Variants in OSBP2 observed in about 807,000 individuals in gnomAD.
OSBP2 encodes the protein oxysterol-binding protein 2.
In OSBP2, 66 loss-of-function variants were observed where a neutral mutation model predicts 96.0. That is an observed-to-expected ratio of 0.69 (90% CI 0.56 to 0.84). The LOEUF is 0.84. OSBP2 is among the 40% of genes least tolerant of loss of function. The pLI is 0.00. For missense variants in OSBP2, 1,038 were observed against 1,222.7 expected, an observed-to-expected ratio of 0.85 and a Z score of 2.25; for synonymous variants, 525 against 520.9, an observed-to-expected ratio of 1.01 and a Z score of -0.11.
chr22:30,863,326 C>T (rs554265649), intron 2 of OSBP2, among the ~76,000 whole-genome samples: 3 of 152,268 alleles, frequency 2.0e-5, no homozygotes, highest in East Asian at 3.9e-4. Flanking sequence ...AGGCGCCAAC[C>T]ACACGGGCTG....
rs183696011 is a variant in OSBP2 at position 30,851,256 on chromosome 22, G to A, written c.854-19173G>A. Among the ~76,000 whole-genome samples the A allele has an allele frequency of 2.0e-5, 3 of 151,694 alleles. No individual in the cohort carries two copies. In the East Asian group the frequency reaches 5.8e-4, roughly 29 times the overall value. On this transcript the variant is annotated intron_variant, in intron 2 of 13. Transcript: ENST00000332585. ...TTTTGTATTTTTTTTTTTTAGTAGA[G>A]ATGGGGTTTTACCATGTTGGCCAGG... is the stretch of plus-strand genomic sequence containing the variant.
In OSBP2 at chr22:30,890,751, C is replaced by T. The variant is rs766295971; in HGVS notation, c.1647C>T (p.Ser549=). 2 of 1,612,928 alleles carry T rather than the reference C, an allele frequency of 1.2e-6. No homozygotes were observed. Among genetic ancestry groups the T allele is most frequent in the East Asian group, 4.5e-5 (2 of 44,888 alleles). Residue 549 remains serine, a synonymous_variant, in exon 8 of 14, where the codon TCC becomes TCT. Transcript: ENST00000332585. The surrounding 1 kb of genome is among the most constrained non-coding windows in gnomAD (Gnocchi z 4.4). ...AGGTGAACTTCAATGAGCCCCTGTC[C>T]ATGCTCCAGCGGCTGACAGAGGACC... The part of the protein sequence containing the change: ...PMPVNFNEPL[S]MLQRLTEDLE...
chr22:30,879,536 T>G (rs546487959), intron 3 of OSBP2, among the ~76,000 whole-genome samples: 2 of 152,100 alleles, frequency 1.3e-5, no homozygotes, highest in South Asian at 4.2e-4. Context: ...AGCGCTCCTG[T>G]GAGGAGCAGG....
intron 1 of OSBP2, among the ~76,000 whole-genome samples, chr22:30,708,212 C>T (rs941827238): frequency 2.0e-5 from 3 of 152,088 alleles, no homozygotes; most frequent in Non-Finnish European, 4.4e-5. Context: ...CTAAGGCTTA[C>T]ATGAGCTAAG....
chr22:30,762,029 T>C (rs2090209960), intron 2 of OSBP2, among the ~76,000 whole-genome samples: 1 of 149,556 alleles, frequency 6.7e-6, no homozygotes, highest in Non-Finnish European at 1.5e-5. Flanking sequence ...GAGACCAGCC[T>C]GGGCGATATG....
rs760619396 is a variant in OSBP2 at position 30,887,511 on chromosome 22, A to T, written c.1193A>T (p.His398Leu). The T allele has an allele frequency of 6.2e-7, 1 of 1,613,824 alleles. No homozygotes were observed. Among genetic ancestry groups the T allele is most frequent in the Non-Finnish European group, 8.5e-7 (1 of 1,180,034 alleles). The change falls in exon 4 of 14, where the codon CAC (histidine) becomes CTC (leucine). Residue 398 changes from histidine (H) to leucine (L), a missense_variant. His to Leu is a moderately conservative substitution (Grantham distance 99). Transcript: ENST00000332585. ...ALQYEQEQRV[H>L]LEETIEQLAK... Reference sequence around the variant, plus strand: ...CAGTATGAGCAGGAGCAGCGCGTGCACTTGGAGGAAACCATTGAGCAGCTG... The same window carrying T: ...CAGTATGAGCAGGAGCAGCGCGTGCTCTTGGAGGAAACCATTGAGCAGCTG...
intron 2 of OSBP2, among the ~76,000 whole-genome samples, chr22:30,765,541 G>A (rs983710901): frequency 6.6e-6 from 1 of 152,062 alleles, no homozygotes; most frequent in Non-Finnish European, 1.5e-5. Context: ...ATTCTACACA[G>A]GGCTCCTGCC....
intron 2 of OSBP2, among the ~76,000 whole-genome samples, chr22:30,803,995 C>T (rs147439792): frequency 5.3e-5 from 8 of 152,346 alleles, no homozygotes; most frequent in African/African-American, 1.9e-4. Context: ...CAGCTGCCCC[C>T]CTTCTGCCTT....
At chr22:30,905,069 G>A (rs918867289) in intron 12 of OSBP2, among the ~76,000 whole-genome samples, 9 of 151,268 alleles carry the variant, frequency 5.9e-5, no homozygotes, top group Non-Finnish European at 8.8e-5. Context: ...CCCAGGAGGC[G>A]GAGGTTGCAG....
chr22:30,699,395 A>G (rs536061832), intron 1 of OSBP2, among the ~76,000 whole-genome samples: 77 of 152,316 alleles, frequency 5.1e-4, no homozygotes, highest in South Asian at 2.5e-3. Flanking sequence ...GTCACTACAA[A>G]CATTCTTGTA....
chr22:30,761,866 T>C (rs9609079), intron 2 of OSBP2, among the ~76,000 whole-genome samples: 12,210 of 152,206 alleles, frequency 0.08, 503 homozygotes, highest in Middle Eastern at 0.17. Context: ...ACAAGTAGTG[T>C]TGGAACAATT....
In OSBP2 at chr22:30,780,656, C is replaced by A. The variant is rs1255515006; in HGVS notation, c.853+39287C>A. Among the ~76,000 whole-genome samples, 9 of 152,152 alleles carry A rather than the reference C, an allele frequency of 5.9e-5. No homozygotes were observed. The East Asian group carries it at 1.7e-3, about 29-fold the overall frequency. ...GGGATTACAGGCGCCCGCCACCACA[C>A]CTGGCTAATTTTTATATTTTTAGTA... On this transcript the variant is annotated intron_variant, in intron 2 of 13. Coordinates refer to ENST00000332585, the MANE Select transcript of OSBP2 (RefSeq NM_030758.4).
chr22:30,794,396 C>G (rs2090725507), intron 2 of OSBP2, among the ~76,000 whole-genome samples: 1 of 151,642 alleles, frequency 6.6e-6, no homozygotes, highest in South Asian at 2.1e-4. Flanking sequence ...TCCTGAGTAG[C>G]TGAGATGACA....
intron 2 of OSBP2, among the ~76,000 whole-genome samples, chr22:30,840,637 A>G (rs1199172734): frequency 2.6e-5 from 4 of 152,214 alleles, no homozygotes; most frequent in African/African-American, 7.2e-5. Context: ...ATAATAAGGC[A>G]AGAAGTGAAA....
At chr22:30,894,278 C>A in intron 12 of OSBP2, 1 of 393,250 alleles carries the variant, frequency 2.5e-6, no homozygotes, top group Non-Finnish European at 4.6e-6. Context: ...TTGAAAATAA[C>A]CACAGGAAAT....
chr22:30,757,141 C>T (rs2090151427), intron 2 of OSBP2, among the ~76,000 whole-genome samples: 2 of 152,194 alleles, frequency 1.3e-5, no homozygotes, highest in South Asian at 4.1e-4. Flanking sequence ...CCACCTTTCT[C>T]TCCCATCTCC....
intron 2 of OSBP2, among the ~76,000 whole-genome samples, chr22:30,790,500 T>G (rs1047389378): frequency 6.6e-6 from 1 of 152,094 alleles, no homozygotes. Flanking sequence ...GTAGCTGCAC[T>G]TGGAGAGATT....
chr22:30,725,403 C>T (rs916815609), intron 1 of OSBP2, among the ~76,000 whole-genome samples: 2 of 151,708 alleles, frequency 1.3e-5, no homozygotes, highest in Non-Finnish European at 2.9e-5. Flanking sequence ...AGCTACTACT[C>T]GGGAGGCTGA....
intron 2 of OSBP2, among the ~76,000 whole-genome samples, chr22:30,865,955 G>C (rs2039328477): frequency 6.6e-6 from 1 of 152,166 alleles, no homozygotes; most frequent in East Asian, 1.9e-4. Context: ...AAGGACAGAG[G>C]GACTTGTGAG....
Sources: gnomAD v4.1 joint callset for allele counts (sites outside exome capture counted in the v4.1 genomes callset) on GRCh38, gnomAD v4.1.1 for gene constraint, Gnocchi (gnomAD v3.1) non-coding constraint, MANE v1.5 for transcripts, NCBI Gene and HGNC (gene_info 2026-07-23, HGNC 2026-07-21) for gene names.